Variants in STK10 observed in about 807,000 individuals in gnomAD.
STK10 encodes serine/threonine-protein kinase 10.
A neutral mutation model predicts 113.8 loss-of-function variants in STK10; 78 were observed. The observed-to-expected ratio is 0.69, with a 90% confidence interval of 0.57 to 0.83. The LOEUF (loss-of-function observed/expected upper bound fraction) is 0.83. Ranked by LOEUF, STK10 falls within the 40% of genes least tolerant of loss-of-function variation. The probability of loss-of-function intolerance (pLI) is 0.00; values close to 1 mark genes in which losing one functional copy is unlikely to be tolerated. For missense variants in STK10, 1,109 were observed against 1,280.1 expected (o/e 0.87, Z 2.04); for synonymous variants, 465 against 494.7 (o/e 0.94, Z 0.80).
chr5:172,098,743 G>A (rs1043086123), intron 7 of STK10, among the ~76,000 whole-genome samples: 2 of 152,174 alleles, frequency 1.3e-5, no homozygotes, highest in Non-Finnish European at 2.9e-5. Flanking sequence ...GTAAAATCCA[G>A]CTTCCACCAA....
intron 1 of STK10, among the ~76,000 whole-genome samples, chr5:172,185,245 A>G (rs72845183): frequency 0.1 from 14,796 of 147,446 alleles, 734 homozygotes; most frequent in Admixed American, 0.13. Flanking sequence ...CCTAACGGAG[A>G]AAAAAAAAAG....
In STK10 at chr5:172,055,596, T is replaced by A; in HGVS notation, c.2518A>T (p.Ile840Phe). 1 of 1,489,974 alleles carries A rather than the reference T, an allele frequency of 6.7e-7. No individual in the cohort carries two copies. The highest frequency in any genetic ancestry group is 9.0e-7 in the Non-Finnish European group (1 of 1,111,588). The allele number at this position is 1,489,974 out of a possible 1,614,324, so 92.3% of individuals were successfully genotyped here. ...GGSAAEQREK[I>F]KQFSQQEEKR... Reference sequence around the variant, plus strand: ...GCAGGCCCGGCCCCCACCTGCTTGATCTTCTCACGCTGCTCAGCTGCGCTG... The same window carrying A: ...GCAGGCCCGGCCCCCACCTGCTTGAACTTCTCACGCTGCTCAGCTGCGCTG... Residue 840 changes from isoleucine (I) to phenylalanine (F), a missense_variant, in exon 16 of 19, where the codon ATC becomes TTC. This residue lies in a region of STK10 where 885 missense variants were observed against 991.1 expected (regional missense o/e 0.89). Coordinates refer to ENST00000176763, the MANE Select transcript of STK10 (RefSeq NM_005990.4).
chr5:172,048,436 C>CACACACACACACACACACAA (rs1226992132), intron 18 of STK10, among the ~76,000 whole-genome samples: 4 of 151,656 alleles, frequency 2.6e-5, no homozygotes, highest in African/African-American at 9.7e-5. Context: ...CACACACACA[C>CACACACACACACACACACAA]ACACACACAC....
At chr5:172,067,872 A>G (rs1277884505) in intron 12 of STK10, among the ~76,000 whole-genome samples, 3 of 152,172 alleles carry the variant, frequency 2.0e-5, no homozygotes, top group Non-Finnish European at 4.4e-5. Context: ...AAATTAAAAG[A>G]AAACCACCCT....
intron 4 of STK10, among the ~76,000 whole-genome samples, chr5:172,115,346 T>G (rs557777408): frequency 3.9e-5 from 6 of 152,260 alleles, no homozygotes; most frequent in African/African-American, 1.4e-4. Context: ...CAGCAGATGA[T>G]GCCGGGAAAT....
chr5:172,117,397 C>A, intron 4 of STK10, 84 bp downstream of exon 4: 1 of 1,554,274 alleles, frequency 6.4e-7, no homozygotes, highest in Non-Finnish European at 8.7e-7. Flanking sequence ...ATGAGGTCCA[C>A]ACTCCCACTG....
chr5:172,061,373 C>T, intron 13 of STK10, 105 bp from the exon 14 acceptor site: 1 of 1,459,682 alleles, frequency 6.9e-7, no homozygotes. Context: ...GAAGAAAATG[C>T]AGGAACAGAA....
At chr5:172,053,864 C>T (rs1478191896) in intron 17 of STK10, among the ~76,000 whole-genome samples, 2 of 152,230 alleles carry the variant, frequency 1.3e-5, no homozygotes, top group African/African-American at 4.8e-5. Flanking sequence ...GCACTTCATA[C>T]GGGCTCTCTC....
At chr5:172,048,319 G>A (rs771453817) in intron 18 of STK10, among the ~76,000 whole-genome samples, 1 of 151,834 alleles carries the variant, frequency 6.6e-6, no homozygotes, top group African/African-American at 2.4e-5. Flanking sequence ...TCTCCAGCCT[G>A]CTGACCTGTC....
intron 12 of STK10, among the ~76,000 whole-genome samples, chr5:172,080,911 T>C (rs921970825): frequency 1.3e-5 from 2 of 152,240 alleles, no homozygotes; most frequent in Non-Finnish European, 2.9e-5. Context: ...GAAAATGCCA[T>C]CTAGGACTCT....
chr5:172,159,482 C>A (rs930671910), intron 1 of STK10, among the ~76,000 whole-genome samples: 12 of 152,106 alleles, frequency 7.9e-5, no homozygotes, highest in African/African-American at 2.9e-4. Context: ...ACGGAGGCTG[C>A]AGTGAGCTGA....
chr5:172,061,312 G>A lies in STK10; in HGVS notation c.2083-44C>T, dbSNP rs551813969. On this transcript the variant is annotated intron_variant, in intron 13 of 18. Coordinates refer to ENST00000176763, the MANE Select transcript of STK10 (RefSeq NM_005990.4). The stretch of plus-strand genomic sequence containing the variant: ...ACAGGCCTTTATCCAGAGCCGGCTT[G>A]GGCACCTCCATGTCTCTTCCTATTA... 5.1e-6 allele frequency: 8 copies of A among 1,571,326 alleles called. No homozygotes were observed. The East Asian group carries it at 1.6e-4, about 31-fold the overall frequency.
Position 172,078,026 on chromosome 5 carries a change from C to T in STK10, c.1989+4300G>A, listed in dbSNP as rs540089609. Among the ~76,000 whole-genome samples, 3 of 152,274 alleles carry T rather than the reference C, an allele frequency of 2.0e-5. No homozygotes were observed. The East Asian group carries it at 5.8e-4, about 29-fold the overall frequency. On this transcript the variant is annotated intron_variant, in intron 12 of 18. Transcript: ENST00000176763. ...TCGTCCCTTCTAATTCTGTCCATCA[C>T]CCCTGCTGCTGCATCCTGACCACTA... is the stretch of plus-strand genomic sequence containing the variant.
At position 172,049,474 on chromosome 5, in the gene STK10, G is replaced by A. The variant is rs776660497; in HGVS notation, c.2766+3455C>T. ...AAGCCCAGCAGGGAACGAGGGAAGC[G>A]CATATGGCATGGAGATCTATTTGGG... On this transcript the variant is annotated intron_variant, in intron 18 of 18. Coordinates refer to ENST00000176763, the MANE Select transcript of STK10 (RefSeq NM_005990.4). Among the ~76,000 whole-genome samples, 14 of 152,094 alleles carry A rather than the reference G, an allele frequency of 9.2e-5. No individual in the cohort carries two copies. In the East Asian group the frequency reaches 9.7e-4, roughly 11 times the overall value.
At chr5:172,055,827 AGCGT>A (rs1389574914) in intron 15 of STK10, 51 bp from the exon 16 acceptor site, 1 of 1,376,398 alleles carries the variant, frequency 7.3e-7, no homozygotes, top group Non-Finnish European at 9.5e-7. Context: ...CTGGACTCAG[AGCGT>A]GGTCACAGGC....
intron 14 of STK10, 63 bp from the exon 15 acceptor site, chr5:172,057,536 G>GC: frequency 1.3e-6 from 2 of 1,520,040 alleles, no homozygotes; most frequent in Non-Finnish European, 8.9e-7. Flanking sequence ...CAGGCCCCCT[G>GC]CCCCCCACCT....
intron 2 of STK10, among the ~76,000 whole-genome samples, chr5:172,135,575 C>T (rs551118952): frequency 5.1e-4 from 78 of 152,192 alleles, no homozygotes; most frequent in African/African-American, 1.9e-3. Flanking sequence ...AACCTTCATA[C>T]ACTGATGGTG....
At chr5:172,145,984 A>G (rs543773845) in intron 2 of STK10, among the ~76,000 whole-genome samples, 1 of 152,180 alleles carries the variant, frequency 6.6e-6, no homozygotes, top group East Asian at 1.9e-4. Flanking sequence ...GCAAGCTCAC[A>G]CCTCCCACAG....
At chr5:172,061,025 A>C (rs1425470565) in intron 14 of STK10, 114 bp downstream of exon 14, 2 of 1,420,476 alleles carry the variant, frequency 1.4e-6, no homozygotes, top group Admixed American at 2.6e-5. Flanking sequence ...AATGATGTTT[A>C]GTTTTGGGGA....
Sources: allele counts gnomAD v4.1 joint callset (sites outside exome capture counted in the v4.1 genomes callset), GRCh38; gene constraint gnomAD v4.1.1; regional missense constraint gnomAD v4.1.1; transcripts MANE v1.5; gene names NCBI Gene and HGNC (gene_info 2026-07-23, HGNC 2026-07-21).